Variants in VEGFD observed in about 807,000 individuals in gnomAD.
VEGFD encodes the protein c-fos induced growth factor (vascular endothelial growth factor D).
VEGFD carries 26 observed loss-of-function variants against 28.0 expected under a neutral mutation model. That is an observed-to-expected ratio of 0.93 (90% CI 0.68 to 1.29). The LOEUF (loss-of-function observed/expected upper bound fraction) is 1.29, where lower values mean the gene tolerates loss of function less well. VEGFD is among the 50% of genes most tolerant of loss of function. VEGFD has a pLI of 0.00. For synonymous variants in VEGFD, 93 were observed against 95.5 expected (o/e 0.97, Z 0.15); for missense variants, 294 against 273.4 (o/e 1.08, Z -0.53).
intron 5 of VEGFD, among the ~76,000 whole-genome samples, chrX:15,347,900 A>T (rs56053564): frequency 0.011 from 1,277 of 112,328 alleles, 14 homozygotes; most frequent in African/African-American, 0.04. Flanking sequence ...CTGCTGGAAG[A>T]TACATTCAAG....
chrX:15,365,853 A>T (rs1022340991), intron 1 of VEGFD, among the ~76,000 whole-genome samples: 1 of 111,604 alleles, frequency 9.0e-6, no homozygotes, highest in African/African-American at 3.3e-5. Context: ...TCATCTTTCC[A>T]ATCACCAACT....
At position 15,361,855 on chromosome X, in the gene VEGFD, TG is replaced by T. The variant is rs200704399; in HGVS notation, c.301+1253del. Among the ~76,000 whole-genome samples the T allele has an allele frequency of 8.6e-3, 948 of 110,820 alleles. 9 individuals carry two copies. Among genetic ancestry groups the T allele is most frequent in the African/African-American group, 0.03 (892 of 30,227 alleles). On this transcript the variant is annotated intron_variant, in intron 2 of 6. Transcript: ENST00000297904. ...TTCTTTCTTTCTTTCTTTGTTTTTT[TG>T]TTTTGTTTTGTTTTGTTTTTTTGTT...
At chrX:15,357,977 C>T (rs996181867) in intron 3 of VEGFD, 26 bp downstream of exon 3, 6 of 1,182,806 alleles carry the variant, frequency 5.1e-6, no homozygotes, top group Admixed American at 2.3e-5. Context: ...GCTTTAGAGA[C>T]GGCAGGCTTG....
chrX:15,362,356 T>TA (rs989811798), intron 2 of VEGFD, among the ~76,000 whole-genome samples: 3 of 110,586 alleles, frequency 2.7e-5, no homozygotes, highest in Non-Finnish European at 3.8e-5. Flanking sequence ...TCACTTTTAC[T>TA]AAAAAATCAC....
chrX:15,381,207 G>A (rs1427973771), intron 1 of VEGFD, among the ~76,000 whole-genome samples: 2 of 111,317 alleles, frequency 1.8e-5, no homozygotes, highest in Non-Finnish European at 3.8e-5. Context: ...ACACCCAAAT[G>A]GCATTAAGCA....
intron 1 of VEGFD, among the ~76,000 whole-genome samples, chrX:15,365,961 TCTA>T (rs1923134994): frequency 8.9e-6 from 1 of 111,749 alleles, no homozygotes; most frequent in South Asian, 3.7e-4. Flanking sequence ...CTTCTTCCTA[TCTA>T]CTTTCTGTTA....
At chrX:15,371,124 A>G (rs1160328836) in intron 1 of VEGFD, among the ~76,000 whole-genome samples, 1 of 111,761 alleles carries the variant, frequency 8.9e-6, no homozygotes, top group Admixed American at 9.5e-5. Context: ...TTCCCAGGTG[A>G]TGGCAATACT....
Position 15,358,184 on chromosome X carries a change from T to G in VEGFD, c.311A>C (p.Glu104Ala). The change falls in exon 3 of 7, where the codon GAA (glutamate) becomes GCA (alanine). Residue 104 changes from glutamate to alanine, a missense_variant. By Grantham distance (107) the Glu-to-Ala change is moderately radical (BLOSUM62 -1). Transcript: ENST00000297904. ...YDIETLKVID[E>A]EWQRTQCSPR... ...GCTGCACTGAGTTCTTTGCCATTCT[T>G]CATCTATAACTGCAGAGAGAAAGAA... The G allele has an allele frequency of 8.3e-7, 1 of 1,206,879 alleles. No individual in the cohort carries two copies. The highest frequency in any genetic ancestry group is 1.1e-6 in the Non-Finnish European group (1 of 893,196).
At position 15,349,000 on chromosome X, in the gene VEGFD, C is replaced by T. The variant is rs190732598; in HGVS notation, c.743-1641G>A. On this transcript the variant is annotated intron_variant, in intron 5 of 6. Transcript: ENST00000297904. ...TAATGACATATCAAAATGAGAATCT[C>T]GTGCGGTTCAACTTTATAGTTTAAA... Among the ~76,000 whole-genome samples, 302 of 112,059 alleles carry T rather than the reference C, an allele frequency of 2.7e-3. 1 individual carries two copies. The highest frequency in any genetic ancestry group is 9.6e-3 in the African/African-American group (295 of 30,807).
At chrX:15,357,883 AT>A (rs1922905357) in intron 3 of VEGFD, 119 bp downstream of exon 3, 3 of 608,803 alleles carry the variant, frequency 4.9e-6, no homozygotes, top group Non-Finnish European at 7.5e-6. Flanking sequence ...TGTTTCAAAG[AT>A]TAAATGCGAT....
intron 1 of VEGFD, among the ~76,000 whole-genome samples, chrX:15,368,624 A>G (rs1048514751): frequency 1.8e-5 from 2 of 112,355 alleles, no homozygotes; most frequent in Admixed American, 1.9e-4. Flanking sequence ...CACTTGGGTA[A>G]GACAAAAATA....
intron 1 of VEGFD, among the ~76,000 whole-genome samples, chrX:15,374,134 C>CT (rs1923378527): frequency 8.9e-6 from 1 of 112,283 alleles, no homozygotes; most frequent in Non-Finnish European, 1.9e-5. Flanking sequence ...TCAAAACTGG[C>CT]TTTGAATGGT....
rs1923654916 is a variant in VEGFD at position 15,383,999 on chromosome X, G to C, written c.-53C>G. On this transcript the variant is annotated 5_prime_UTR_variant, in exon 1 of 7. Transcript: ENST00000297904. ...CTAAGCAGTTGACATCAGGCAGCTA[G>C]AGAAAATTGTTTCAAAAGGCATTCT... 1 of 968,905 alleles carries C rather than the reference G, an allele frequency of 1.0e-6. No individual in the cohort carries two copies. 79.8% of individuals were successfully genotyped at this position (968,905 alleles called of 1,213,427 possible).
At chrX:15,368,035 G>GAAAGAAAGAAAAGAAGA (rs778478507) in intron 1 of VEGFD, among the ~76,000 whole-genome samples, 1 of 37,432 alleles carries the variant, frequency 2.7e-5, no homozygotes, top group Admixed American at 3.0e-4. Context: ...AGAAAGGAAA[G>GAAAGAAAGAAAAGAAGA]AAGAAAGAAA....
chrX:15,363,063 C>T (rs1320558920), intron 2 of VEGFD, 46 bp downstream of exon 2: 2 of 1,127,664 alleles, frequency 1.8e-6, no homozygotes, highest in South Asian at 3.7e-5. Context: ...GTGTTTGTCA[C>T]TATCTAATAA....
intron 5 of VEGFD, among the ~76,000 whole-genome samples, chrX:15,349,974 C>T (rs1475900997): frequency 3.6e-5 from 4 of 111,671 alleles, no homozygotes; most frequent in African/African-American, 1.3e-4. Context: ...ATTGCTACAA[C>T]TTCCCAAAAG....
At chrX:15,350,811 TTCTC>T (rs1270964302) in intron 5 of VEGFD, among the ~76,000 whole-genome samples, 16 of 101,110 alleles carry the variant, frequency 1.6e-4, no homozygotes, top group South Asian at 4.7e-4. Flanking sequence ...CTTTCTTTCT[TTCTC>T]TCTCTCTCTC....
At chrX:15,359,735 G>A (rs1180514665) in intron 2 of VEGFD, among the ~76,000 whole-genome samples, 6 of 111,612 alleles carry the variant, frequency 5.4e-5, no homozygotes, top group Admixed American at 9.5e-5. Flanking sequence ...AATAGCCAGC[G>A]AGGAACTAAG....
Position 15,355,163 on chromosome X carries a change from G to A in VEGFD, c.628C>T (p.Pro210Ser), listed in dbSNP as rs1408585044. ...YSIIRRSIQI[P>S]EEDRCSHSKK... ...AAAAGTGCTTACCGATCTTCTTCAGGGATCTGGATGGATCTTCTGATAATT... is the reference window on the plus strand; with the variant it reads ...AAAAGTGCTTACCGATCTTCTTCAGAGATCTGGATGGATCTTCTGATAATT... Residue 210 changes from proline to serine, a missense_variant, in exon 4 of 7, where the codon CCT becomes TCT. Transcript: ENST00000297904. The A allele has an allele frequency of 6.0e-6, 7 of 1,175,083 alleles. No homozygotes were observed. Among genetic ancestry groups the A allele is most frequent in the Non-Finnish European group, 7.9e-6 (7 of 883,209 alleles).
Sources: gnomAD v4.1 joint callset for allele counts (sites outside exome capture counted in the v4.1 genomes callset) on GRCh38, gnomAD v4.1.1 for gene constraint, MANE v1.5 for transcripts, NCBI Gene and HGNC (gene_info 2026-07-23, HGNC 2026-07-21) for gene names.